The following PPP1R1C variants were observed in gnomAD, a reference collection of about 807,000 sequenced individuals.
The protein encoded by PPP1R1C is protein phosphatase 1 regulatory subunit 1C.
A neutral mutation model predicts 17.4 loss-of-function variants in PPP1R1C; 15 were observed. The observed-to-expected ratio is 0.86, with a 90% CI of 0.58 to 1.33. The LOEUF (loss-of-function observed/expected upper bound fraction) is 1.33. Ranked by LOEUF, PPP1R1C falls within the 40% of genes most tolerant of loss-of-function variation. The pLI is 0.00. For synonymous variants in PPP1R1C, 35 were observed against 43.1 expected, an observed-to-expected ratio of 0.81 and a Z score of 0.73; for missense variants, 143 against 130.0, an observed-to-expected ratio of 1.10 and a Z score of -0.48.
At chr2:181,958,757 T>C (rs982523629) in intron 1 of PPP1R1C, among the ~76,000 whole-genome samples, 1 of 152,246 alleles carries the variant, frequency 6.6e-6, no homozygotes, top group African/African-American at 2.4e-5. Context: ...TTTGTCTGTC[T>C]TTTATATCTG....
intron 2 of PPP1R1C, among the ~76,000 whole-genome samples, chr2:182,019,418 C>T (rs552677227): frequency 1.8e-3 from 268 of 152,296 alleles, no homozygotes; most frequent in African/African-American, 5.8e-3. Context: ...TACAACTTCA[C>T]GCCATTTCAA....
At chr2:181,973,604 A>G (rs1685048923) in intron 1 of PPP1R1C, among the ~76,000 whole-genome samples, 1 of 152,220 alleles carries the variant, frequency 6.6e-6, no homozygotes, top group Non-Finnish European at 1.5e-5. Context: ...AGGCAAGACG[A>G]ATGTTTCAGT....
At chr2:182,097,054 A>T (rs1688961680) in intron 4 of PPP1R1C, among the ~76,000 whole-genome samples, 1 of 152,236 alleles carries the variant, frequency 6.6e-6, no homozygotes, top group Admixed American at 6.5e-5. Context: ...AAGCCCATTT[A>T]TGCAAATGCA....
intron 1 of PPP1R1C, among the ~76,000 whole-genome samples, chr2:181,956,358 T>C (rs2125129146): frequency 1.3e-5 from 2 of 152,356 alleles, no homozygotes; most frequent in South Asian, 4.1e-4. Flanking sequence ...GCAATAAACA[T>C]ACGTGTGCAT....
intron 4 of PPP1R1C, among the ~76,000 whole-genome samples, chr2:182,085,361 C>T (rs1356450478): frequency 6.6e-6 from 1 of 152,044 alleles, no homozygotes; most frequent in Non-Finnish European, 1.5e-5. Flanking sequence ...TCTGTATACA[C>T]ATAAACACAC....
chr2:182,067,318 T>C (rs1688012286), intron 4 of PPP1R1C, among the ~76,000 whole-genome samples: 1 of 152,064 alleles, frequency 6.6e-6, no homozygotes, highest in Non-Finnish European at 1.5e-5. Flanking sequence ...CTTTTTTTTT[T>C]CTCCAAGGAT....
chr2:182,002,935 C>CCA (rs10650337), intron 2 of PPP1R1C, among the ~76,000 whole-genome samples: 4 of 138,838 alleles, frequency 2.9e-5, no homozygotes, highest in Non-Finnish European at 6.5e-5. Flanking sequence ...AAACCTCCCC[C>CCA]CCCCCACAAC....
intron 1 of PPP1R1C, among the ~76,000 whole-genome samples, chr2:181,971,185 C>A (rs1175495617): frequency 6.6e-6 from 1 of 152,138 alleles, no homozygotes; most frequent in Non-Finnish European, 1.5e-5. Context: ...GCTAGTCACA[C>A]CTGAAGCCAG....
At chr2:182,113,464 G>A (rs1689497226) in intron 4 of PPP1R1C, among the ~76,000 whole-genome samples, 1 of 152,026 alleles carries the variant, frequency 6.6e-6, no homozygotes, top group Non-Finnish European at 1.5e-5. Flanking sequence ...CTCTTAAAAT[G>A]CAGATGAGAA....
intron 2 of PPP1R1C, among the ~76,000 whole-genome samples, chr2:182,059,228 C>A (rs1687776502): frequency 6.6e-6 from 1 of 151,988 alleles, no homozygotes; most frequent in South Asian, 2.1e-4. Context: ...CTAAGTGGTC[C>A]TTGAGAAATG....
downstream of PPP1R1C, among the ~76,000 whole-genome samples, chr2:182,122,746 G>A (rs140582688): frequency 3.1e-3 from 478 of 152,224 alleles, 3 homozygotes; most frequent in African/African-American, 0.011. Context: ...AAAAAATATT[G>A]TTAGATAAAT....
At chr2:181,974,788 G>A (rs1197265290) in intron 1 of PPP1R1C, among the ~76,000 whole-genome samples, 1 of 152,232 alleles carries the variant, frequency 6.6e-6, no homozygotes, top group Non-Finnish European at 1.5e-5. Flanking sequence ...GAAAGTGAGA[G>A]TAGTTAGGCA....
chr2:182,038,461 T>C (rs1687079096), intron 2 of PPP1R1C, among the ~76,000 whole-genome samples: 1 of 152,070 alleles, frequency 6.6e-6, no homozygotes, highest in Admixed American at 6.6e-5. Flanking sequence ...TTGTTTGATA[T>C]TTTTTATTGA....
chr2:181,968,055 A>G (rs1336784284), intron 1 of PPP1R1C, among the ~76,000 whole-genome samples: 2 of 152,208 alleles, frequency 1.3e-5, no homozygotes, highest in Non-Finnish European at 2.9e-5. Context: ...GATCAGAGAA[A>G]ATACTTGATA....
chr2:181,961,614 A>C lies in PPP1R1C; in HGVS notation n.111+6980A>C, dbSNP rs751901803. The C allele has an allele frequency of 3.9e-5, 29 of 742,562 alleles. 1 individual carries two copies. The Middle Eastern group carries it at 1.0e-3, about 26-fold the overall frequency. 46.0% of individuals were successfully genotyped at this position (742,562 alleles called of 1,614,324 possible). On this transcript the variant is annotated intron_variant and non_coding_transcript_variant, in intron 1 of 5. Coordinates refer to the PPP1R1C transcript ENST00000464264. This position sits in a 1 kb window ranked among gnomAD's most constrained non-coding sequence, Gnocchi z 5.8. ...CCGTGAGCGTCATCTCAGCATCTCC[A>C]ACCTTGGTGGACTGCGTAGTGACCA...
At chr2:182,042,888 G>C (rs375525243) in intron 2 of PPP1R1C, among the ~76,000 whole-genome samples, 3 of 152,084 alleles carry the variant, frequency 2.0e-5, no homozygotes, top group Admixed American at 2.0e-4. Flanking sequence ...AGATATGTTC[G>C]GTCAACTAGA....
intron 2 of PPP1R1C, among the ~76,000 whole-genome samples, chr2:182,044,102 T>C (rs1267712087): frequency 2.0e-5 from 3 of 152,164 alleles, no homozygotes; most frequent in East Asian, 1.9e-4. Context: ...CTCACCTGGT[T>C]CCACCTTCAT....
Position 181,978,146 on chromosome 2 carries a change from T to C in PPP1R1C, n.157+2882T>C, listed in dbSNP as rs142286348. 8.4e-3 allele frequency among the ~76,000 whole-genome samples: 1,273 copies of C among 152,250 alleles called. 20 individuals are homozygous for C. The highest frequency in any genetic ancestry group is 0.029 in the African/African-American group (1,216 of 41,534). On this transcript the variant is annotated intron_variant and non_coding_transcript_variant, in intron 2 of 5. Coordinates refer to the PPP1R1C transcript ENST00000464264. ...TCCCAGTTATAAAACCATCAGATCTTATGAGACTTATTCACTACCACAAGA... is the reference window on the plus strand; with the variant it reads ...TCCCAGTTATAAAACCATCAGATCTCATGAGACTTATTCACTACCACAAGA...
intron 2 of PPP1R1C, among the ~76,000 whole-genome samples, chr2:182,050,055 T>C (rs1427950694): frequency 6.6e-6 from 1 of 152,252 alleles, no homozygotes; most frequent in Non-Finnish European, 1.5e-5. Flanking sequence ...TGTAGTTTTC[T>C]TTGCTTTGTC....
Sources: gnomAD v4.1 joint callset for allele counts (sites outside exome capture counted in the v4.1 genomes callset) on GRCh38, gnomAD v4.1.1 for gene constraint, Gnocchi (gnomAD v3.1) non-coding constraint, MANE v1.5 for transcripts, NCBI Gene and HGNC (gene_info 2026-07-23, HGNC 2026-07-21) for gene names.